TRIM25: variants seen among roughly 807,000 people sequenced by gnomAD.
TRIM25 encodes the protein E3 ubiquitin/ISG15 ligase TRIM25.
Under a neutral mutation model 65.2 loss-of-function variants are expected in TRIM25, and 45 were observed. That is an observed-to-expected ratio of 0.69 (90% CI 0.54 to 0.89). The LOEUF (loss-of-function observed/expected upper bound fraction) is 0.89. Among genes scored for constraint, TRIM25 ranks in the 40% least tolerant of loss-of-function variants. The pLI, the probability that TRIM25 is intolerant of heterozygous loss-of-function variation, is 0.00. For missense variants in TRIM25, 714 were observed against 803.7 expected (o/e 0.89, Z 1.35); for synonymous variants, 321 against 340.4 (o/e 0.94, Z 0.63).
In TRIM25 at chr17:56,895,336, T is replaced by C. The variant is rs2144350162; in HGVS notation, c.1363+7A>G. The C allele has an allele frequency of 6.2e-7, 1 of 1,612,524 alleles. No individual in the cohort carries two copies. Among genetic ancestry groups the C allele is most frequent in the East Asian group, 2.2e-5 (1 of 44,874 alleles). On this transcript the variant is annotated splice_region_variant and intron_variant, in intron 8 of 8. Transcript: ENST00000316881. ...TGGAACCGCGCACCAGCCCCGAAGC[T>C]ACTCACACTCCAGGAGCTCAGGTCT...
At chr17:56,892,948 G>A (rs1285727630) in intron 8 of TRIM25, among the ~76,000 whole-genome samples, 1 of 152,236 alleles carries the variant, frequency 6.6e-6, no homozygotes, top group Non-Finnish European at 1.5e-5. Context: ...TGATGCTACA[G>A]TTGGGGAACA....
At position 56,913,729 on chromosome 17, in the gene TRIM25, G is replaced by C; in HGVS notation, c.260C>G (p.Ala87Gly). 1 of 1,558,134 alleles carries C rather than the reference G, an allele frequency of 6.4e-7. No individual in the cohort carries two copies. Among genetic ancestry groups the C allele is most frequent in the Non-Finnish European group, 8.7e-7 (1 of 1,151,164 alleles). The change falls in exon 1 of 9, where the codon GCC becomes GGC. Residue 87 changes from alanine to glycine, a missense_variant. Physicochemically the swap from Ala to Gly is moderately conservative, Grantham distance 60 (BLOSUM62 0). Transcript: ENST00000316881. This position sits in a 1 kb window ranked among gnomAD's most constrained non-coding sequence, Gnocchi z 6.1. Reference sequence around the variant, plus strand: ...GCGGGCGGGCGGCGTCCAGACGTCGGCGGGTGGCTCCCGGGCCAGGTCGGC... The same window carrying C: ...GCGGGCGGGCGGCGTCCAGACGTCGCCGGGTGGCTCCCGGGCCAGGTCGGC... ...LQADLAREPP[A>G]DVWTPPARAS...
Position 56,891,606 on chromosome 17 carries a change from C to G in TRIM25, c.*94G>C. ...CCCATGCTCCCAATCCTTGGGACCTCTTGGGGAATTATCCAAGGAGAGTTC... is the reference window on the plus strand; with the variant it reads ...CCCATGCTCCCAATCCTTGGGACCTGTTGGGGAATTATCCAAGGAGAGTTC... On this transcript the variant is annotated 3_prime_UTR_variant, in exon 9 of 9. Transcript: ENST00000316881. 4.0e-6 allele frequency: 5 copies of G among 1,239,162 alleles called. 1 individual carries two copies. The South Asian group carries it at 7.1e-5, about 18-fold the overall frequency. 76.8% of individuals were successfully genotyped at this position (1,239,162 alleles called of 1,614,324 possible).
At chr17:56,910,435 G>C (rs1299861448) in intron 1 of TRIM25, among the ~76,000 whole-genome samples, 1 of 152,174 alleles carries the variant, frequency 6.6e-6, no homozygotes, top group Non-Finnish European at 1.5e-5. Context: ...CCAAGATAAG[G>C]TGTGGGCCAA....
intron 2 of TRIM25, among the ~76,000 whole-genome samples, chr17:56,905,021 G>C (rs1171598820): frequency 6.6e-6 from 1 of 152,198 alleles, no homozygotes; most frequent in African/African-American, 2.4e-5. Flanking sequence ...ATAAATTCAG[G>C]AGAGTGGTTA....
Position 56,890,747 on chromosome 17 carries a change from T to C in TRIM25, c.*953A>G, listed in dbSNP as rs575232625. 360 of 454,766 alleles carry C rather than the reference T, an allele frequency of 7.9e-4. 5 individuals are homozygous for C. Among genetic ancestry groups the C allele is most frequent in the South Asian group, 4.8e-3 (309 of 64,490 alleles). The allele number at this position is 454,766 out of a possible 1,614,324, so 28.2% of individuals were successfully genotyped here. A position where few individuals can be genotyped will look rare whatever the true frequency, so the allele number is the denominator to read the frequency against. ...AAGAGAGGCTATCACCGAGAAGAGT[T>C]GTCAGTAAGAAGGCAGGACACTCTA... is the stretch of plus-strand genomic sequence containing the variant. On this transcript the variant is annotated 3_prime_UTR_variant, in exon 9 of 9. Transcript: ENST00000316881.
At chr17:56,899,328 A>C (rs1909364199) in intron 4 of TRIM25, 148 bp from the exon 5 acceptor site, 2 of 721,844 alleles carry the variant, frequency 2.8e-6, no homozygotes, top group East Asian at 5.7e-5. Flanking sequence ...CAAGAGCTAC[A>C]AACAAGGTGA....
Position 56,895,449 on chromosome 17 carries a change from A to C in TRIM25, c.1265-8T>G. On this transcript the variant is annotated splice_polypyrimidine_tract_variant and splice_region_variant and intron_variant, in intron 7 of 8. Coordinates refer to ENST00000316881, the MANE Select transcript of TRIM25 (RefSeq NM_005082.5). ...TGGTGGCTTTGGCTGCAGCTGGGAG[A>C]GGAAACAGAGAGTGATTTGCAGAAC... The C allele has an allele frequency of 6.2e-7, 1 of 1,614,096 alleles. No individual in the cohort carries two copies. The highest frequency in any genetic ancestry group is 8.5e-7 in the Non-Finnish European group (1 of 1,179,996).
At chr17:56,907,086 A>G (rs761500597) in intron 2 of TRIM25, among the ~76,000 whole-genome samples, 20 of 152,380 alleles carry the variant, frequency 1.3e-4, no homozygotes, top group Non-Finnish European at 2.4e-4. Context: ...AGGCTAGAAC[A>G]AAGATGTAAT....
Position 56,891,630 on chromosome 17 carries a change from T to C in TRIM25, c.*70A>G. 1 of 1,537,308 alleles carries C rather than the reference T, an allele frequency of 6.5e-7. No individual in the cohort carries two copies. The highest frequency in any genetic ancestry group is 1.3e-5 in the South Asian group (1 of 79,728). ...TCTTGGGGAATTATCCAAGGAGAGT[T>C]CTGCCTGCTGTATTTTCACTAGGGT... On this transcript the variant is annotated 3_prime_UTR_variant, in exon 9 of 9. Transcript: ENST00000316881.
At position 56,889,490 on chromosome 17, in the gene TRIM25, T is replaced by G. The variant is rs1014249364; in HGVS notation, c.*2210A>C. 2.9e-5 allele frequency: 10 copies of G among 346,168 alleles called. No individual in the cohort carries two copies. 21.4% of individuals were successfully genotyped at this position (346,168 alleles called of 1,614,324 possible). A position where few individuals can be genotyped will look rare whatever the true frequency, so the allele number is the denominator to read the frequency against. ...GTGGCGGCCCTGCAAGGCTAGGTTATGTAAGGTCTCACCATTGCAAACAGA... is the reference window on the plus strand; with the variant it reads ...GTGGCGGCCCTGCAAGGCTAGGTTAGGTAAGGTCTCACCATTGCAAACAGA... On this transcript the variant is annotated 3_prime_UTR_variant, in exon 9 of 9. Transcript: ENST00000316881.
intron 2 of TRIM25, 36 bp downstream of exon 2, chr17:56,908,432 A>G (rs1291425253): frequency 1.9e-6 from 3 of 1,602,868 alleles, no homozygotes. Context: ...GCGAAGCCAC[A>G]GGGCAGGGCT....
chr17:56,906,564 G>A (rs1909524272), intron 2 of TRIM25, among the ~76,000 whole-genome samples: 1 of 152,084 alleles, frequency 6.6e-6, no homozygotes, highest in Non-Finnish European at 1.5e-5. Flanking sequence ...CATGACCTCG[G>A]CTCACTGCAA....
rs565839908 is a variant in TRIM25 at position 56,895,875 on chromosome 17, T to C, written c.1180+51A>G. 1.2e-4 allele frequency: 188 copies of C among 1,602,764 alleles called. 1 individual carries two copies. In the East Asian group the frequency reaches 4.0e-3, roughly 34 times the overall value. On this transcript the variant is annotated intron_variant, in intron 6 of 8. Coordinates refer to ENST00000316881, the MANE Select transcript of TRIM25 (RefSeq NM_005082.5). The stretch of plus-strand genomic sequence containing the variant: ...GACTCTCACTACCAGCATTTAGTTC[T>C]GTGCTCGGGCAGTCTCAAGAAACGA...
chr17:56,904,760 T>C (rs1909487721), intron 2 of TRIM25, among the ~76,000 whole-genome samples: 1 of 152,220 alleles, frequency 6.6e-6, no homozygotes. Flanking sequence ...GGCAGCATTG[T>C]CTGAAGTAGC....
Position 56,890,110 on chromosome 17 carries a change from G to A in TRIM25, c.*1590C>T, listed in dbSNP as rs574210217. 40 of 364,896 alleles carry A rather than the reference G, an allele frequency of 1.1e-4. No homozygotes were observed. Among genetic ancestry groups the A allele is most frequent in the African/African-American group, 7.3e-4 (35 of 47,778 alleles). The allele number at this position is 364,896 out of a possible 1,614,324, so 22.6% of individuals were successfully genotyped here. A position where few individuals can be genotyped will look rare whatever the true frequency, so the allele number is the denominator to read the frequency against. ...CATTCTCAAATATCCATATGAAAAG[G>A]TCTGGGGTCTCTAGTTCCCCAATGG... On this transcript the variant is annotated 3_prime_UTR_variant, in exon 9 of 9. Transcript: ENST00000316881.
At position 56,890,865 on chromosome 17, in the gene TRIM25, C is replaced by T; in HGVS notation, c.*835G>A. On this transcript the variant is annotated 3_prime_UTR_variant, in exon 9 of 9. Transcript: ENST00000316881. Reference sequence around the variant, plus strand: ...GCCCCACAGCCAAGGCTATGGGAAGCAAGGCCTCCAGCAAAGCTCATGGCT... The same window carrying T: ...GCCCCACAGCCAAGGCTATGGGAAGTAAGGCCTCCAGCAAAGCTCATGGCT... 1 of 456,726 alleles carries T rather than the reference C, an allele frequency of 2.2e-6. No individual in the cohort carries two copies. Among genetic ancestry groups the T allele is most frequent in the Non-Finnish European group, 4.4e-6 (1 of 226,976 alleles). 28.3% of individuals were successfully genotyped at this position (456,726 alleles called of 1,614,324 possible).
In TRIM25 at chr17:56,901,674, A is replaced by T. The variant is rs568150482; in HGVS notation, c.928-96T>A. ...CCCAGGAGGCTCTCCCCTATGCCCA[A>T]GAGTGCTAAGTCCAATTGGCCTTCT... is the stretch of plus-strand genomic sequence containing the variant. On this transcript the variant is annotated intron_variant, in intron 3 of 8. Transcript: ENST00000316881. The T allele has an allele frequency of 2.4e-5, 36 of 1,496,484 alleles. No individual in the cohort carries two copies. In the African/African-American group the frequency reaches 4.4e-4, roughly 18 times the overall value. The allele number at this position is 1,496,484 out of a possible 1,614,324, so 92.7% of individuals were successfully genotyped here.
Position 56,891,694 on chromosome 17 carries a change from G to GCCTGCCTAC in TRIM25, c.1890_*5dup. On this transcript the variant is annotated 3_prime_UTR_variant, in exon 9 of 9. Transcript: ENST00000316881. ...CAGGCAGTCAGCCCAAGTGCCTACA[G>GCCTGCCTAC]CCTGCCTACTTGGGGGAGCAGATGG... 1 of 1,609,460 alleles carries GCCTGCCTAC rather than the reference G, an allele frequency of 6.2e-7. No homozygotes were observed. The highest frequency in any genetic ancestry group is 2.2e-5 in the East Asian group (1 of 44,792).
Sources: gnomAD v4.1 joint callset for allele counts (sites outside exome capture counted in the v4.1 genomes callset) on GRCh38, gnomAD v4.1.1 for gene constraint, Gnocchi (gnomAD v3.1) non-coding constraint, MANE v1.5 for transcripts, NCBI Gene and HGNC (gene_info 2026-07-23, HGNC 2026-07-21) for gene names.